ANO10: variants seen among roughly 807,000 people sequenced by gnomAD.
ANO10 encodes anoctamin 10.
Under a neutral mutation model 74.7 loss-of-function variants are expected in ANO10, and 77 were observed. That is an observed-to-expected ratio of 1.03 (90% CI 0.86 to 1.25). The LOEUF (loss-of-function observed/expected upper bound fraction) is 1.25, where lower values mean the gene tolerates loss of function less well. Ranked by LOEUF, ANO10 falls within the 50% of genes most tolerant of loss-of-function variation. The probability of loss-of-function intolerance (pLI) is 0.00; values close to 1 mark genes in which losing one functional copy is unlikely to be tolerated. For synonymous variants in ANO10, 279 were observed against 284.9 expected, an observed-to-expected ratio of 0.98 and a Z score of 0.21; for missense variants, 721 against 778.1, an observed-to-expected ratio of 0.93 and a Z score of 0.87.
rs1575269139 is a variant in ANO10, at chr3:43,498,313, C to T, written c.1797+51407G>A. Among the ~76,000 whole-genome samples the T allele has an allele frequency of 2.0e-5, 3 of 152,234 alleles. No homozygotes were observed. The South Asian group carries it at 6.2e-4, about 32-fold the overall frequency. On this transcript the variant is annotated intron_variant, in intron 11 of 12. Coordinates refer to ENST00000292246, the MANE Select transcript of ANO10 (RefSeq NM_018075.5). ...TGACCTTGGATATTTCTAATGCCTC[C>T]CCAGAAGATGGGTGGTACTCAGCGG...
rs554758639 is a variant in ANO10 at position 43,525,127 on chromosome 3, A to G, written c.1797+24593T>C. On this transcript the variant is annotated intron_variant, in intron 11 of 12. Transcript: ENST00000292246. ...ACCCCCCACCGACCAATGACTGCCC[A>G]GGGCTCTTAAGTGAGAAAAAGGTAT... 2.1e-4 allele frequency among the ~76,000 whole-genome samples: 32 copies of G among 152,260 alleles called. No homozygotes were observed. In the South Asian group the frequency reaches 6.6e-3, roughly 32 times the overall value.
chr3:43,518,464 T>C (rs1262805660), intron 11 of ANO10, among the ~76,000 whole-genome samples: 2 of 152,174 alleles, frequency 1.3e-5, no homozygotes, highest in African/African-American at 2.4e-5. Context: ...ATATGAAATC[T>C]GGGCATCCAA....
chr3:43,368,919 T>C (rs1157123442), intron 12 of ANO10, among the ~76,000 whole-genome samples: 1 of 152,218 alleles, frequency 6.6e-6, no homozygotes, highest in Non-Finnish European at 1.5e-5. Context: ...CAGCCACATT[T>C]CCCTGGCATT....
chr3:43,420,935 G>A (rs1473359567), intron 12 of ANO10, among the ~76,000 whole-genome samples: 1 of 152,152 alleles, frequency 6.6e-6, no homozygotes, highest in Admixed American at 6.6e-5. Context: ...AAAAGAATTG[G>A]CCAGGGGCCA....
intron 10 of ANO10, among the ~76,000 whole-genome samples, chr3:43,552,502 T>C (rs573692460): frequency 6.6e-6 from 1 of 152,034 alleles, no homozygotes; most frequent in Non-Finnish European, 1.5e-5. Context: ...AAAGTCTATT[T>C]TGTTTACTAA....
At chr3:43,675,346 T>C (rs114380627) in intron 1 of ANO10, among the ~76,000 whole-genome samples, 3,209 of 152,262 alleles carry the variant, frequency 0.021, 55 homozygotes, top group South Asian at 0.092. Context: ...TCAGACTTGA[T>C]AGCAAAAGCA....
chr3:43,380,122 C>T (rs1345837098), intron 12 of ANO10, among the ~76,000 whole-genome samples: 2 of 152,002 alleles, frequency 1.3e-5, no homozygotes, highest in Non-Finnish European at 2.9e-5. Context: ...TTCAAATTAA[C>T]CCCATCTGAC....
intron 12 of ANO10, among the ~76,000 whole-genome samples, chr3:43,416,036 G>T (rs1012711005): frequency 3.4e-5 from 5 of 146,304 alleles, no homozygotes; most frequent in African/African-American, 1.0e-4. Flanking sequence ...AAAAAAAAAA[G>T]TCTACCTGGA....
rs2091411284 is a variant in ANO10, at chr3:43,366,400, T to G, written c.*506A>C. ...TTTATGTTGATAAAGGGTCTGTTAATGTATTGCAAAAGAGAACCAGGAAAG... is the reference window on the plus strand; with the variant it reads ...TTTATGTTGATAAAGGGTCTGTTAAGGTATTGCAAAAGAGAACCAGGAAAG... On this transcript the variant is annotated 3_prime_UTR_variant, in exon 13 of 13. Coordinates refer to ENST00000292246, the MANE Select transcript of ANO10 (RefSeq NM_018075.5). 4.4e-6 allele frequency: 1 copy of G among 227,428 alleles called. No individual in the cohort carries two copies. Among genetic ancestry groups the G allele is most frequent in the Non-Finnish European group, 8.9e-6 (1 of 112,934 alleles). The allele number at this position is 227,428 out of a possible 1,614,324, so 14.1% of individuals were successfully genotyped here. A position where few individuals can be genotyped will look rare whatever the true frequency, so the allele number is the denominator to read the frequency against.
At chr3:43,460,212 A>T (rs868773893) in intron 11 of ANO10, among the ~76,000 whole-genome samples, 1 of 152,208 alleles carries the variant, frequency 6.6e-6, no homozygotes, top group African/African-American at 2.4e-5. Context: ...ACCCAGATGG[A>T]GGCAGGCTTT....
intron 11 of ANO10, among the ~76,000 whole-genome samples, chr3:43,492,526 T>C (rs2076761064): frequency 6.6e-6 from 1 of 152,160 alleles, no homozygotes; most frequent in Non-Finnish European, 1.5e-5. Flanking sequence ...GGAGAATATT[T>C]TTGCAATCTT....
At chr3:43,519,999 A>ATTT (rs1471340014) in intron 11 of ANO10, among the ~76,000 whole-genome samples, 2 of 152,122 alleles carry the variant, frequency 1.3e-5, no homozygotes, top group African/African-American at 4.8e-5. Flanking sequence ...ATGGCTATCT[A>ATTT]TTCACCTAAA....
intron 1 of ANO10, among the ~76,000 whole-genome samples, chr3:43,684,420 G>C (rs557796021): frequency 6.6e-6 from 1 of 152,180 alleles, no homozygotes; most frequent in East Asian, 1.9e-4. Flanking sequence ...TCATTAAAAA[G>C]TCAGGAAACA....
chr3:43,624,416 C>T (rs1413045851), upstream of ANO10, among the ~76,000 whole-genome samples: 1 of 152,162 alleles, frequency 6.6e-6, no homozygotes, highest in Non-Finnish European at 1.5e-5. Flanking sequence ...GGGTAGATTT[C>T]TCATGAATGG....
intron 1 of ANO10, among the ~76,000 whole-genome samples, chr3:43,630,636 T>C (rs1328439155): frequency 6.6e-6 from 1 of 152,220 alleles, no homozygotes; most frequent in Non-Finnish European, 1.5e-5. Flanking sequence ...TTGTTACCTC[T>C]GCCTGGAATA....
At chr3:43,617,647 T>C (rs2083184896) in intron 1 of ANO10, among the ~76,000 whole-genome samples, 1 of 151,168 alleles carries the variant, frequency 6.6e-6, no homozygotes, top group Admixed American at 6.6e-5. Context: ...GTGTGGAGAG[T>C]GGGGAGTTAT....
chr3:43,463,705 G>C (rs1386440452), intron 11 of ANO10, among the ~76,000 whole-genome samples: 2 of 152,214 alleles, frequency 1.3e-5, no homozygotes, highest in Non-Finnish European at 2.9e-5. Context: ...GAAGGGACTT[G>C]CCTTGTCTTG....
At position 43,396,075 on chromosome 3, in the gene ANO10, TA is replaced by T. The variant is rs372302526; in HGVS notation, c.1915-29102del. On this transcript the variant is annotated intron_variant, in intron 12 of 12. Coordinates refer to ENST00000292246, the MANE Select transcript of ANO10 (RefSeq NM_018075.5). ...AATGCCTTTTATTAATTTATTTATT[TA>T]TTTTTTTTTTTTGCTTGATGGCGCT... 1.2e-3 allele frequency among the ~76,000 whole-genome samples: 175 copies of T among 149,342 alleles called. 5 individuals carry two copies. The highest frequency in any genetic ancestry group is 1.7e-3 in the South Asian group (8 of 4,760).
intron 10 of ANO10, among the ~76,000 whole-genome samples, chr3:43,551,809 C>T (rs1353717099): frequency 6.6e-6 from 1 of 152,086 alleles, no homozygotes; most frequent in African/African-American, 2.4e-5. Flanking sequence ...TTACTTTAAA[C>T]CTACCTAAAT....
Sources: allele counts gnomAD v4.1 joint callset (sites outside exome capture counted in the v4.1 genomes callset), GRCh38; gene constraint gnomAD v4.1.1; transcripts MANE v1.5; gene names NCBI Gene and HGNC (gene_info 2026-07-23, HGNC 2026-07-21).